Variants in EGFR observed in about 807,000 individuals in gnomAD.
EGFR encodes the protein avian erythroblastic leukemia viral (v-erb-b) oncogene homolog.
In EGFR, 58 loss-of-function variants were observed where a neutral mutation model predicts 143.0. The ratio of observed to expected loss-of-function variants is 0.41; its 90% CI spans 0.33 to 0.50. The LOEUF is 0.50. Among genes scored for constraint, EGFR ranks in the 20% least tolerant of loss-of-function variants. EGFR has a pLI of 0.39. For synonymous variants in EGFR, 613 were observed against 594.4 expected, an observed-to-expected ratio of 1.03 and a Z score of -0.45; for missense variants, 1,307 against 1,579.0, an observed-to-expected ratio of 0.83 and a Z score of 2.92.
intron 4 of EGFR, 96 bp downstream of exon 4, chr7:55,146,836 A>C (rs538390054): frequency 3.2e-6 from 5 of 1,543,542 alleles, no homozygotes; most frequent in Non-Finnish European, 4.4e-6. Flanking sequence ...TTAGTAAGTC[A>C]CATTAATCAG....
chr7:55,103,742 T>C (rs1281194291), intron 1 of EGFR, among the ~76,000 whole-genome samples: 1 of 152,222 alleles, frequency 6.6e-6, no homozygotes, highest in Non-Finnish European at 1.5e-5. Context: ...TGTAAAAGAC[T>C]CTTAAATATT....
chr7:55,092,757 G>A (rs549539217), intron 1 of EGFR, among the ~76,000 whole-genome samples: 163 of 152,346 alleles, frequency 1.1e-3, no homozygotes, highest in Non-Finnish European at 2.1e-3. Flanking sequence ...ATGATAGCTC[G>A]GCCTGCCCCG....
intron 15 of EGFR, among the ~76,000 whole-genome samples, chr7:55,167,719 G>A (rs542002769): frequency 6.6e-6 from 1 of 152,238 alleles, no homozygotes; most frequent in South Asian, 2.1e-4. Context: ...GAGGACGTGG[G>A]AGTAACAACA....
rs554665630 is a variant in EGFR, at chr7:55,080,583, C to T, written c.88+61218C>T. 9.0e-3 allele frequency among the ~76,000 whole-genome samples: 1,365 copies of T among 152,140 alleles called. 20 individuals are homozygous for T. The highest frequency in any genetic ancestry group is 0.031 in the African/African-American group (1,284 of 41,488). On this transcript the variant is annotated intron_variant, in intron 1 of 27. Transcript: ENST00000275493. Reference sequence around the variant, plus strand: ...GATTTGGTGAAAGGACATAGAATCTCAGTTAGACAGGAGGAATAAGTTAAA... The same window carrying T: ...GATTTGGTGAAAGGACATAGAATCTTAGTTAGACAGGAGGAATAAGTTAAA...
intron 24 of EGFR, chr7:55,200,748 C>T (rs1787811527): frequency 2.0e-6 from 1 of 495,086 alleles, no homozygotes; most frequent in Non-Finnish European, 3.7e-6. Context: ...GCTTCACACC[C>T]CTGACTCTCC....
intron 19 of EGFR, among the ~76,000 whole-genome samples, chr7:55,177,925 C>T (rs1035781246): frequency 3.3e-5 from 5 of 152,228 alleles, no homozygotes; most frequent in African/African-American, 1.2e-4. Flanking sequence ...GTACACCGAA[C>T]GGGACACACG....
chr7:55,156,032 C>T (rs572044534), intron 8 of EGFR, 86 bp downstream of exon 8: 8 of 905,572 alleles, frequency 8.8e-6, no homozygotes, highest in African/African-American at 8.2e-5. Flanking sequence ...AACACATCTT[C>T]CTCTTCTCAT....
chr7:55,117,226 T>C (rs1792911524), intron 1 of EGFR, among the ~76,000 whole-genome samples: 1 of 152,250 alleles, frequency 6.6e-6, no homozygotes, highest in Admixed American at 6.5e-5. Flanking sequence ...TTTAATCTTT[T>C]TATTCAAATA....
chr7:55,113,972 G>A (rs2128909314), intron 1 of EGFR, among the ~76,000 whole-genome samples: 1 of 152,310 alleles, frequency 6.6e-6, no homozygotes, highest in African/African-American at 2.4e-5. Context: ...CTTGGACGCT[G>A]CCAGGTGACT....
chr7:55,033,144 CTA>C (rs1171224958), intron 1 of EGFR, among the ~76,000 whole-genome samples: 2 of 152,126 alleles, frequency 1.3e-5, no homozygotes, highest in Non-Finnish European at 2.9e-5. Flanking sequence ...CAATAGATGA[CTA>C]TTTTATTCTA....
rs757642107 is a variant in EGFR, at chr7:55,181,410, T to C, written c.2401T>C (p.Tyr801His). ...QLMPFGCLLDYVREHKDNIGS... is the reference protein window; with the variant it reads ...QLMPFGCLLDHVREHKDNIGS... ...CATGCCCTTCGGCTGCCTCCTGGAC[T>C]ATGTCCGGGAACACAAAGACAATAT... Residue 801 changes from tyrosine to histidine, a missense_variant, in exon 20 of 28, where the codon TAT (tyrosine) becomes CAT (histidine). By Grantham distance (83) the Tyr-to-His change is moderately conservative. Coordinates refer to ENST00000275493, the MANE Select transcript of EGFR (RefSeq NM_005228.5). 1.9e-6 allele frequency: 3 copies of C among 1,614,216 alleles called. No homozygotes were observed. The South Asian group carries it at 3.3e-5, about 18-fold the overall frequency.
intron 1 of EGFR, among the ~76,000 whole-genome samples, chr7:55,033,587 G>A (rs1052106595): frequency 6.6e-6 from 1 of 152,138 alleles, no homozygotes; most frequent in Non-Finnish European, 1.5e-5. Flanking sequence ...ATGTGTGCAC[G>A]ACAGCCTTCC....
At chr7:55,120,233 AG>A (rs1793118978) in intron 1 of EGFR, among the ~76,000 whole-genome samples, 1 of 152,104 alleles carries the variant, frequency 6.6e-6, no homozygotes, top group East Asian at 1.9e-4. Context: ...CCTGCTCTCC[AG>A]TGTTGGGGGA....
chr7:55,139,619 T>C (rs1794344686), intron 1 of EGFR, among the ~76,000 whole-genome samples: 4 of 152,226 alleles, frequency 2.6e-5, no homozygotes, highest in Admixed American at 2.0e-4. Flanking sequence ...ATGCCTTATA[T>C]TGAATCAAAT....
intron 1 of EGFR, among the ~76,000 whole-genome samples, chr7:55,133,372 A>G (rs576197733): frequency 1.3e-5 from 2 of 152,242 alleles, no homozygotes; most frequent in East Asian, 3.9e-4. Context: ...AGCCCTTGGC[A>G]CCTTTCTACT....
chr7:55,154,331 C>A (rs1785304999), intron 7 of EGFR, among the ~76,000 whole-genome samples, 179 bp downstream of exon 7: 1 of 152,218 alleles, frequency 6.6e-6, no homozygotes, highest in Admixed American at 6.5e-5. Context: ...TGGCTTGCTA[C>A]CGAGGAGCGG....
At chr7:55,200,442 G>A (rs1787797724) in intron 24 of EGFR, 29 bp downstream of exon 24, 1 of 1,598,656 alleles carries the variant, frequency 6.3e-7, no homozygotes, top group African/African-American at 1.3e-5. Context: ...GCTTCCATTG[G>A]GAAGAGTCCC....
At chr7:55,164,174 C>T (rs758773770) in intron 14 of EGFR, among the ~76,000 whole-genome samples, 4 of 152,182 alleles carry the variant, frequency 2.6e-5, no homozygotes, top group Non-Finnish European at 5.9e-5. Flanking sequence ...TTAACATTAG[C>T]TTGTAATTAA....
chr7:55,043,427 C>G (rs943679196), intron 1 of EGFR, among the ~76,000 whole-genome samples: 1 of 152,178 alleles, frequency 6.6e-6, no homozygotes, highest in Non-Finnish European at 1.5e-5. Context: ...GGTGTGATCT[C>G]AGCTCACTGC....
Sources: gnomAD v4.1 joint callset for allele counts (sites outside exome capture counted in the v4.1 genomes callset) on GRCh38, gnomAD v4.1.1 for gene constraint, MANE v1.5 for transcripts, NCBI Gene and HGNC (gene_info 2026-07-23, HGNC 2026-07-21) for gene names.